Variants in RBM6 observed in about 807,000 individuals in gnomAD.
RBM6 encodes the protein RNA-binding protein 6.
Under a neutral mutation model 140.4 loss-of-function variants are expected in RBM6, and 23 were observed. The observed-to-expected ratio is 0.16, with a 90% CI of 0.12 to 0.23. RBM6 has a LOEUF of 0.23. Among genes scored for constraint, RBM6 ranks in the 10% least tolerant of loss-of-function variants. RBM6 has a pLI of 1.00. For synonymous variants in RBM6, 439 were observed against 475.6 expected, an observed-to-expected ratio of 0.92 and a Z score of 1.00; for missense variants, 1,139 against 1,386.7, an observed-to-expected ratio of 0.82 and a Z score of 2.84.
At position 49,968,137 on chromosome 3, in the gene RBM6, C is replaced by T. The variant is rs2084592078; in HGVS notation, c.712C>T (p.Arg238Ter). The T allele has an allele frequency of 6.2e-7, 1 of 1,614,040 alleles. No homozygotes were observed. The highest frequency in any genetic ancestry group is 8.5e-7 in the Non-Finnish European group (1 of 1,180,008). ...KDGTQVDFRG[R>*]GSGTTDLDFR... is the part of the protein sequence containing the mutation. ...CGGAACACAAGTAGACTTTAGAGGC[C>T]GAGGTTCAGGTACTACTGATCTAGA... The change falls in exon 3 of 21, where the codon CGA (arginine) becomes TGA (stop). Residue 238 changes from arginine to a stop codon, truncating the protein, a stop_gained. Transcript: ENST00000266022. LOFTEE classifies it high-confidence loss of function.
At chr3:49,975,280 G>T in intron 4 of RBM6, 43 bp from the exon 5 acceptor site, 1 of 1,446,456 alleles carries the variant, frequency 6.9e-7, no homozygotes, top group South Asian at 1.2e-5. Context: ...TTCAGTGTTT[G>T]ATTATGATTT....
chr3:50,076,450 C>T (rs1173914540), intron 20 of RBM6, among the ~76,000 whole-genome samples: 1 of 151,510 alleles, frequency 6.6e-6, no homozygotes, highest in Non-Finnish European at 1.5e-5. Context: ...GGTGCAGTGG[C>T]GCGCGCCTGT....
rs1475943246 is a variant in RBM6 at position 50,057,740 on chromosome 3, A to G, written c.1706A>G (p.Lys569Arg). ...TCTGTTCCACTAGTGACAGAGGCCA[A>G]GCAAGAATTAATAACCTACCCTCAG... ...CKNPREVTEA[K>R]QELITYPQPQ... The change falls in exon 9 of 21, where the codon AAG (lysine) becomes AGG (arginine). Residue 569 changes from lysine to arginine, a missense_variant. Coordinates refer to ENST00000266022, the MANE Select transcript of RBM6 (RefSeq NM_005777.3). 6.2e-7 allele frequency: 1 copy of G among 1,613,060 alleles called. No individual in the cohort carries two copies. Among genetic ancestry groups the G allele is most frequent in the East Asian group, 2.2e-5 (1 of 44,850 alleles).
chr3:50,048,755 C>T (rs1223857546), intron 7 of RBM6, among the ~76,000 whole-genome samples: 1 of 152,094 alleles, frequency 6.6e-6, no homozygotes, highest in Admixed American at 6.6e-5. Flanking sequence ...GGCATTTTAC[C>T]TCTATTAAAC....
chr3:49,951,332 C>T (rs772390895), intron 1 of RBM6, among the ~76,000 whole-genome samples: 2 of 151,754 alleles, frequency 1.3e-5, no homozygotes, highest in Non-Finnish European at 1.5e-5. Flanking sequence ...CCCACCTCAG[C>T]GTCCTCAGTA....
intron 6 of RBM6, among the ~76,000 whole-genome samples, chr3:50,038,047 C>G (rs916585586): frequency 1.9e-4 from 29 of 152,192 alleles, no homozygotes; most frequent in African/African-American, 7.0e-4. Context: ...GTCTTGAACT[C>G]CTGACCTCAG....
intron 1 of RBM6, among the ~76,000 whole-genome samples, chr3:49,950,052 T>TG (rs1257825016): frequency 1.3e-5 from 2 of 152,090 alleles, no homozygotes; most frequent in African/African-American, 4.8e-5. Context: ...CGAGATATTT[T>TG]GGGGGGCAAG....
rs574856194 is a variant in RBM6 at position 49,967,169 on chromosome 3, T to G, written c.45-301T>G. 4 of 1,079,574 alleles carry G rather than the reference T, an allele frequency of 3.7e-6. No individual in the cohort carries two copies. The African/African-American group carries it at 6.5e-5, about 17-fold the overall frequency. 66.9% of individuals were successfully genotyped at this position (1,079,574 alleles called of 1,614,324 possible). A position where few individuals can be genotyped will look rare whatever the true frequency, so the allele number is the denominator to read the frequency against. On this transcript the variant is annotated intron_variant, in intron 2 of 20. Coordinates refer to ENST00000266022, the MANE Select transcript of RBM6 (RefSeq NM_005777.3). The surrounding 1 kb of genome is among the most constrained non-coding windows in gnomAD (Gnocchi z 4.0). ...GTAGTATGTCACCATTGTTAGCTTA[T>G]TTGGTATTGCGGATTTTCCCTGTTG...
intron 6 of RBM6, among the ~76,000 whole-genome samples, chr3:50,000,869 C>T (rs868828955): frequency 1.3e-5 from 2 of 152,158 alleles, no homozygotes; most frequent in African/African-American, 2.4e-5. Flanking sequence ...AAGTTCTCCT[C>T]TTATGGGTAT....
At chr3:49,953,734 G>T (rs11709503) in intron 1 of RBM6, among the ~76,000 whole-genome samples, 54,135 of 151,044 alleles carry the variant, frequency 0.36, 10,281 homozygotes, top group Non-Finnish European at 0.44. Flanking sequence ...TGGCCTACCT[G>T]GTCTTGAATT....
At position 49,947,315 on chromosome 3, in the gene RBM6, A is replaced by G. The variant is rs187361088; in HGVS notation, c.-67+7090A>G. Among the ~76,000 whole-genome samples the G allele has an allele frequency of 8.6e-3, 1,255 of 145,450 alleles. 19 individuals carry two copies. Among genetic ancestry groups the G allele is most frequent in the African/African-American group, 0.03 (1,209 of 39,774 alleles). On this transcript the variant is annotated intron_variant, in intron 1 of 20. Coordinates refer to ENST00000266022, the MANE Select transcript of RBM6 (RefSeq NM_005777.3). ...TGTGCAGGTGCACACCTGTATTCCCAGCTGCTCAGGAGGCTGAGGTAGGTG... is the reference window on the plus strand; with the variant it reads ...TGTGCAGGTGCACACCTGTATTCCCGGCTGCTCAGGAGGCTGAGGTAGGTG...
chr3:49,946,850 T>G (rs1174081175), intron 1 of RBM6, among the ~76,000 whole-genome samples: 2 of 149,718 alleles, frequency 1.3e-5, no homozygotes, highest in African/African-American at 4.9e-5. Flanking sequence ...TCTGTTTCGT[T>G]TTTTTTTTTT....
At chr3:49,973,431 C>T (rs2084894366) in intron 4 of RBM6, among the ~76,000 whole-genome samples, 1 of 152,042 alleles carries the variant, frequency 6.6e-6, no homozygotes, top group South Asian at 2.1e-4. Flanking sequence ...AGTGCTGTGG[C>T]CCTGGACTGT....
intron 4 of RBM6, 133 bp from the exon 5 acceptor site, chr3:49,975,190 T>C: frequency 1.3e-6 from 1 of 752,276 alleles, no homozygotes; most frequent in Non-Finnish European, 2.3e-6. Context: ...GCCTTGAGTG[T>C]TCATAGTTTA....
At chr3:49,966,528 G>A (rs2084524984) in intron 2 of RBM6, among the ~76,000 whole-genome samples, 1 of 152,144 alleles carries the variant, frequency 6.6e-6, no homozygotes, top group African/African-American at 2.4e-5. Context: ...TATCTCTTGA[G>A]TTCTATAAAT....
At chr3:49,962,816 G>A in intron 2 of RBM6, 131 bp downstream of exon 2, 3 of 965,012 alleles carry the variant, frequency 3.1e-6, no homozygotes, top group Non-Finnish European at 1.5e-6. Flanking sequence ...ATAGAAATTT[G>A]GCTGGGCGCG....
intron 6 of RBM6, among the ~76,000 whole-genome samples, chr3:50,046,176 G>A (rs542796011): frequency 1.4e-4 from 22 of 151,896 alleles, no homozygotes; most frequent in African/African-American, 5.3e-4. Context: ...AGCTACTCGG[G>A]AGGCTGAGGC....
At chr3:49,959,891 C>T (rs1425110896) in intron 1 of RBM6, among the ~76,000 whole-genome samples, 1 of 152,130 alleles carries the variant, frequency 6.6e-6, no homozygotes, top group Non-Finnish European at 1.5e-5. Context: ...TATGATCATA[C>T]ATTTTGCCTT....
At position 49,972,120 on chromosome 3, in the gene RBM6, G is replaced by T. The variant is rs2084821986; in HGVS notation, c.1385G>T (p.Gly462Val). 1 of 1,612,974 alleles carries T rather than the reference G, an allele frequency of 6.2e-7. No individual in the cohort carries two copies. Among genetic ancestry groups the T allele is most frequent in the Non-Finnish European group, 8.5e-7 (1 of 1,179,142 alleles). Residue 462 changes from glycine (G) to valine (V), a missense_variant, in exon 4 of 21, where the codon GGG (glycine) becomes GTG (valine). Gly to Val is a moderately radical substitution (Grantham distance 109). Coordinates refer to ENST00000266022, the MANE Select transcript of RBM6 (RefSeq NM_005777.3). The stretch of plus-strand genomic sequence containing the variant: ...CCCAGCAGGCTTATTCGATTAAGTG[G>T]GGTACCTGAAGATGCCACAAAAGAA... ...EKPSRLIRLS[G>V]VPEDATKEEI...
Sources: allele counts gnomAD v4.1 joint callset (sites outside exome capture counted in the v4.1 genomes callset), GRCh38; gene constraint gnomAD v4.1.1; non-coding constraint Gnocchi (gnomAD v3.1); transcripts MANE v1.5; gene names NCBI Gene and HGNC (gene_info 2026-07-23, HGNC 2026-07-21).